Variants in NOS1AP observed in about 807,000 individuals in gnomAD.
NOS1AP encodes the protein carboxyl-terminal PDZ ligand of neuronal nitric oxide synthase protein.
Under a neutral mutation model 56.2 loss-of-function variants are expected in NOS1AP, and 21 were observed. That is an observed-to-expected ratio of 0.37 (90% CI 0.26 to 0.54). The LOEUF is 0.54. Ranked by LOEUF, NOS1AP falls within the 20% of genes least tolerant of loss-of-function variation. The pLI is 0.84. For missense variants in NOS1AP, 522 were observed against 657.8 expected, an observed-to-expected ratio of 0.79 and a Z score of 2.26; for synonymous variants, 270 against 274.6, an observed-to-expected ratio of 0.98 and a Z score of 0.17.
intron 2 of NOS1AP, among the ~76,000 whole-genome samples, chr1:162,254,315 TG>T (rs1413462318): frequency 1.3e-5 from 2 of 152,342 alleles, no homozygotes; most frequent in South Asian, 2.1e-4. Flanking sequence ...CTGGGATTTC[TG>T]GTGACCAGGA....
In NOS1AP at chr1:162,174,311, A is replaced by C. The variant is rs1469850944; in HGVS notation, c.177+19835A>C. ...ATTCTCAGCAAACTATCGCAACGACAAAAAACCAAACACCACATGTTCTCA... is the reference window on the plus strand; with the variant it reads ...ATTCTCAGCAAACTATCGCAACGACCAAAAACCAAACACCACATGTTCTCA... On this transcript the variant is annotated intron_variant, in intron 2 of 9. Coordinates refer to ENST00000361897, the MANE Select transcript of NOS1AP (RefSeq NM_014697.3). Among the ~76,000 whole-genome samples the C allele has an allele frequency of 5.9e-5, 9 of 151,394 alleles. No homozygotes were observed. The East Asian group carries it at 1.8e-3, about 30-fold the overall frequency.
chr1:162,080,520 A>C (rs997859432), intron 1 of NOS1AP, among the ~76,000 whole-genome samples: 2 of 152,180 alleles, frequency 1.3e-5, no homozygotes, highest in African/African-American at 4.8e-5. Context: ...GTGACCAAGA[A>C]GGGAGCACTC....
At chr1:162,124,276 G>A (rs981369426) in intron 1 of NOS1AP, among the ~76,000 whole-genome samples, 1 of 151,992 alleles carries the variant, frequency 6.6e-6, no homozygotes, top group Non-Finnish European at 1.5e-5. Context: ...TCTCACCCCC[G>A]TCTTGCCCTC....
At chr1:162,130,922 C>G (rs1648721853) in intron 1 of NOS1AP, among the ~76,000 whole-genome samples, 1 of 152,174 alleles carries the variant, frequency 6.6e-6, no homozygotes, top group Non-Finnish European at 1.5e-5. Flanking sequence ...TTGGCATCTA[C>G]AAATTTAATT....
At chr1:162,212,409 A>G (rs1007111424) in intron 2 of NOS1AP, among the ~76,000 whole-genome samples, 2 of 152,108 alleles carry the variant, frequency 1.3e-5, no homozygotes, top group Admixed American at 6.5e-5. Flanking sequence ...GCCCTCATGA[A>G]ACACAGTCTA....
intron 3 of NOS1AP, among the ~76,000 whole-genome samples, chr1:162,295,039 G>C (rs189553697): frequency 4.3e-4 from 65 of 152,306 alleles, no homozygotes; most frequent in Middle Eastern, 6.8e-3. Context: ...AGTGGAAGGA[G>C]GTTGAAGACC....
chr1:162,246,157 A>G (rs530084508), intron 2 of NOS1AP, among the ~76,000 whole-genome samples: 18 of 152,328 alleles, frequency 1.2e-4, no homozygotes, highest in Admixed American at 5.9e-4. Context: ...ACCTTCTGTG[A>G]TGTATGTGGG....
chr1:162,247,103 A>G (rs925670680), intron 2 of NOS1AP, among the ~76,000 whole-genome samples: 1 of 152,090 alleles, frequency 6.6e-6, no homozygotes, highest in Non-Finnish European at 1.5e-5. Flanking sequence ...ATGGTTATTA[A>G]TAGAAACCTG....
At chr1:162,106,160 A>G (rs1440810534) in intron 1 of NOS1AP, among the ~76,000 whole-genome samples, 1 of 152,152 alleles carries the variant, frequency 6.6e-6, no homozygotes, top group Non-Finnish European at 1.5e-5. Flanking sequence ...GCAAAGATCC[A>G]TGGGAGAAGC....
In NOS1AP at chr1:162,278,209, C is replaced by G. The variant is rs565040540; in HGVS notation, c.178-9135C>G. ...CTCAAGTGTGCCTGCCCATCTAACTCTTCCTACAAGAGCTATGAAGGTTCA... is the reference window on the plus strand; with the variant it reads ...CTCAAGTGTGCCTGCCCATCTAACTGTTCCTACAAGAGCTATGAAGGTTCA... On this transcript the variant is annotated intron_variant, in intron 2 of 9. Transcript: ENST00000361897. Among the ~76,000 whole-genome samples, 4 of 152,266 alleles carry G rather than the reference C, an allele frequency of 2.6e-5. No homozygotes were observed. In the South Asian group the frequency reaches 6.2e-4, roughly 24 times the overall value.
Position 162,207,110 on chromosome 1 carries a change from A to T in NOS1AP, c.177+52634A>T, listed in dbSNP as rs1652188007. Among the ~76,000 whole-genome samples the T allele has an allele frequency of 2.0e-5, 3 of 152,212 alleles. No homozygotes were observed. In the South Asian group the frequency reaches 6.2e-4, roughly 32 times the overall value. ...AATTAGAGGGTTTGTTAAATGTGCT[A>T]GTGAAAAGAAGCTGTTTGCTGCTGC... is the stretch of plus-strand genomic sequence containing the variant. On this transcript the variant is annotated intron_variant, in intron 2 of 9. Coordinates refer to ENST00000361897, the MANE Select transcript of NOS1AP (RefSeq NM_014697.3).
At chr1:162,076,434 T>C (rs1184712666) in intron 1 of NOS1AP, among the ~76,000 whole-genome samples, 2 of 152,214 alleles carry the variant, frequency 1.3e-5, no homozygotes. Context: ...TTCCCTCCTT[T>C]CTAATAGTTT....
intron 1 of NOS1AP, among the ~76,000 whole-genome samples, chr1:162,080,042 T>C (rs1010129293): frequency 1.3e-5 from 2 of 152,176 alleles, no homozygotes; most frequent in African/African-American, 4.8e-5. Flanking sequence ...AAGTACGGTA[T>C]TGTCTGTCTT....
intron 4 of NOS1AP, among the ~76,000 whole-genome samples, chr1:162,309,770 T>C (rs1182487028): frequency 6.6e-6 from 1 of 152,176 alleles, no homozygotes; most frequent in East Asian, 1.9e-4. Flanking sequence ...CAAATAAATA[T>C]GTATTTAAAA....
At chr1:162,165,778 G>A (rs1650464594) in intron 2 of NOS1AP, among the ~76,000 whole-genome samples, 1 of 152,126 alleles carries the variant, frequency 6.6e-6, no homozygotes, top group Non-Finnish European at 1.5e-5. Context: ...GGCAGTGTAT[G>A]TCACTAGATG....
chr1:162,223,887 T>C (rs1007666605), intron 2 of NOS1AP, among the ~76,000 whole-genome samples: 2 of 152,228 alleles, frequency 1.3e-5, no homozygotes, highest in African/African-American at 4.8e-5. Context: ...TATATGTGCA[T>C]ATGTATGTAT....
chr1:162,345,235 C>T (rs1393591217), intron 6 of NOS1AP, among the ~76,000 whole-genome samples: 1 of 151,260 alleles, frequency 6.6e-6, no homozygotes, highest in Non-Finnish European at 1.5e-5. Flanking sequence ...ATACATGTGC[C>T]GTGCTGGTGC....
At chr1:162,362,590 G>A (rs1185137903) in intron 8 of NOS1AP, among the ~76,000 whole-genome samples, 1 of 152,226 alleles carries the variant, frequency 6.6e-6, no homozygotes, top group African/African-American at 2.4e-5. Flanking sequence ...TCTGCTGAAA[G>A]ACTTTGTTCC....
intron 3 of NOS1AP, among the ~76,000 whole-genome samples, chr1:162,288,657 G>A (rs927340312): frequency 6.6e-6 from 1 of 152,112 alleles, no homozygotes; most frequent in Non-Finnish European, 1.5e-5. Context: ...GGTCTCTTAC[G>A]TATTAATCCA....
Sources: gnomAD v4.1 joint callset for allele counts (sites outside exome capture counted in the v4.1 genomes callset) on GRCh38, gnomAD v4.1.1 for gene constraint, MANE v1.5 for transcripts, NCBI Gene and HGNC (gene_info 2026-07-23, HGNC 2026-07-21) for gene names.